Variants in PCDH9 observed in about 807,000 individuals in gnomAD.
PCDH9 encodes protocadherin-9.
Under a neutral mutation model 70.6 loss-of-function variants are expected in PCDH9, and 24 were observed. The ratio of observed to expected loss-of-function variants is 0.34; its 90% CI spans 0.25 to 0.48. PCDH9 has a LOEUF of 0.48. PCDH9 is among the 20% of genes least tolerant of loss of function. The pLI is 0.99. For missense variants in PCDH9, 1,281 were observed against 1,503.6 expected, an observed-to-expected ratio of 0.85 and a Z score of 2.45; for synonymous variants, 562 against 558.5, an observed-to-expected ratio of 1.01 and a Z score of -0.09.
chr13:66,789,676 T>C (rs984094877), intron 3 of PCDH9, among the ~76,000 whole-genome samples: 1 of 152,124 alleles, frequency 6.6e-6, no homozygotes, highest in African/African-American at 2.4e-5. Flanking sequence ...GCACTGTGTA[T>C]CCCCGTTTTA....
chr13:66,806,429 T>C (rs756773587), intron 3 of PCDH9, among the ~76,000 whole-genome samples: 2 of 152,126 alleles, frequency 1.3e-5, no homozygotes, highest in African/African-American at 2.4e-5. Context: ...CCATGTGAAA[T>C]AGACTATTGG....
intron 4 of PCDH9, among the ~76,000 whole-genome samples, chr13:66,566,453 A>G (rs2076653792): frequency 6.6e-6 from 1 of 152,184 alleles, no homozygotes; most frequent in African/African-American, 2.4e-5. Context: ...TTCTATATAT[A>G]TATGTGCCTT....
At chr13:66,478,499 A>T (rs1958774428) in intron 4 of PCDH9, among the ~76,000 whole-genome samples, 1 of 152,234 alleles carries the variant, frequency 6.6e-6, no homozygotes, top group Admixed American at 6.5e-5. Context: ...CAAGTTATGA[A>T]TGCAAAGGGA....
At chr13:66,450,813 A>G (rs1483127666) in intron 4 of PCDH9, among the ~76,000 whole-genome samples, 1 of 152,194 alleles carries the variant, frequency 6.6e-6, no homozygotes, top group African/African-American at 2.4e-5. Context: ...CAGGAGATCA[A>G]GCCCATCCTG....
chr13:67,017,565 A>AT (rs2084587859), intron 2 of PCDH9, among the ~76,000 whole-genome samples: 1 of 152,214 alleles, frequency 6.6e-6, no homozygotes, highest in South Asian at 2.1e-4. Context: ...AGATGGTTCT[A>AT]TTTTTAAATT....
intron 3 of PCDH9, among the ~76,000 whole-genome samples, chr13:66,804,383 T>A (rs535204890): frequency 1.0e-3 from 155 of 152,258 alleles, no homozygotes; most frequent in African/African-American, 3.1e-3. Flanking sequence ...GAGAAAATAA[T>A]ACCTTTCAAG....
intron 2 of PCDH9, among the ~76,000 whole-genome samples, chr13:67,034,424 T>C (rs562363010): frequency 1.3e-5 from 2 of 152,338 alleles, no homozygotes; most frequent in East Asian, 3.9e-4. Context: ...ATACTGATCA[T>C]GCCTACGCCA....
intron 3 of PCDH9, among the ~76,000 whole-genome samples, chr13:66,744,445 G>A (rs12854849): frequency 0.28 from 42,547 of 151,930 alleles, 6,492 homozygotes; most frequent in East Asian, 0.44. Context: ...TGAAAAGTCC[G>A]AAACTAAATG....
At chr13:66,673,631 G>A (rs1214517706) in intron 3 of PCDH9, among the ~76,000 whole-genome samples, 1 of 152,226 alleles carries the variant, frequency 6.6e-6, no homozygotes, top group East Asian at 1.9e-4. Flanking sequence ...AAACTCTGTG[G>A]ACACATTGAT....
intron 4 of PCDH9, among the ~76,000 whole-genome samples, chr13:66,519,527 T>A (rs1484924386): frequency 2.0e-5 from 3 of 152,064 alleles, no homozygotes; most frequent in African/African-American, 7.2e-5. Flanking sequence ...AACTTCCATA[T>A]ACGAAAAATA....
intron 3 of PCDH9, among the ~76,000 whole-genome samples, chr13:66,883,634 T>C (rs1029846710): frequency 4.6e-5 from 7 of 152,286 alleles, no homozygotes; most frequent in Non-Finnish European, 1.0e-4. Context: ...AATGCATTAG[T>C]TTATTAAAGG....
chr13:66,777,817 A>G (rs2079923747), intron 3 of PCDH9, among the ~76,000 whole-genome samples: 1 of 152,160 alleles, frequency 6.6e-6, no homozygotes, highest in Non-Finnish European at 1.5e-5. Flanking sequence ...ATGCTGCTAT[A>G]AAGACACATG....
intron 2 of PCDH9, among the ~76,000 whole-genome samples, chr13:67,044,012 A>C (rs569951966): frequency 1.8e-4 from 27 of 152,232 alleles, no homozygotes; most frequent in Middle Eastern, 3.4e-3. Context: ...GCCAATTCCT[A>C]ATTCAAGGAA....
At chr13:66,754,207 G>A (rs375922990) in intron 3 of PCDH9, among the ~76,000 whole-genome samples, 3 of 151,930 alleles carry the variant, frequency 2.0e-5, no homozygotes, top group East Asian at 1.9e-4. Context: ...GGAACATCAC[G>A]CACCTGTCAG....
chr13:66,820,107 CA>C (rs1409916028), intron 3 of PCDH9, among the ~76,000 whole-genome samples: 3 of 151,984 alleles, frequency 2.0e-5, no homozygotes, highest in Non-Finnish European at 4.4e-5. Flanking sequence ...TTGTTCCATA[CA>C]TTCCATATAT....
intron 4 of PCDH9, among the ~76,000 whole-genome samples, chr13:66,519,596 T>C (rs553116660): frequency 6.6e-6 from 1 of 152,222 alleles, no homozygotes; most frequent in East Asian, 1.9e-4. Flanking sequence ...TATGAGTCTA[T>C]GAATCCTCTT....
At chr13:66,529,678 T>A (rs184245592) in intron 4 of PCDH9, among the ~76,000 whole-genome samples, 48 of 152,188 alleles carry the variant, frequency 3.2e-4, no homozygotes, top group African/African-American at 1.0e-3. Context: ...CAAAAGTATT[T>A]AATAGTTCAC....
In PCDH9 at chr13:66,645,764, A is replaced by G. The variant is rs141068447; in HGVS notation, c.3139-14353T>C. ...CTGTTAGATATTGAGATTTTTGTCA[A>G]TCAAGACTGGTACAGTCTCTCCATT... On this transcript the variant is annotated intron_variant, in intron 3 of 4. Transcript: ENST00000377865. Among the ~76,000 whole-genome samples, 1,140 of 152,308 alleles carry G rather than the reference A, an allele frequency of 7.5e-3. 16 individuals are homozygous for G. Among genetic ancestry groups the G allele is most frequent in the African/African-American group, 0.025 (1,031 of 41,578 alleles).
chr13:66,317,614 A>G (rs1189550436), intron 4 of PCDH9, among the ~76,000 whole-genome samples: 4 of 152,360 alleles, frequency 2.6e-5, no homozygotes, highest in Non-Finnish European at 4.4e-5. Flanking sequence ...ATTTCCTTAC[A>G]GCCTAAAGAT....
Sources: gnomAD v4.1 joint callset for allele counts (sites outside exome capture counted in the v4.1 genomes callset) on GRCh38, gnomAD v4.1.1 for gene constraint, MANE v1.5 for transcripts, NCBI Gene and HGNC (gene_info 2026-07-23, HGNC 2026-07-21) for gene names.